ZNF804B: variants seen among roughly 807,000 people sequenced by gnomAD.
The protein encoded by ZNF804B is zinc finger protein 804B, also known as zinc finger 804B.
Under a neutral mutation model 101.4 loss-of-function variants are expected in ZNF804B, and 80 were observed. That is an observed-to-expected ratio of 0.79 (90% CI 0.66 to 0.95). The LOEUF is 0.95. Ranked by LOEUF, ZNF804B falls within the 40% of genes least tolerant of loss-of-function variation. The pLI, the probability that ZNF804B is intolerant of heterozygous loss-of-function variation, is 0.00. For synonymous variants in ZNF804B, 622 were observed against 558.8 expected (o/e 1.11, Z -1.59); for missense variants, 1,673 against 1,561.9 (o/e 1.07, Z -1.20).
intron 1 of ZNF804B, among the ~76,000 whole-genome samples, chr7:88,837,006 A>G (rs1240472605): frequency 6.6e-6 from 1 of 151,986 alleles, no homozygotes; most frequent in African/African-American, 2.4e-5. Context: ...GCCACAAGCC[A>G]GAAAGGACAT....
intron 2 of ZNF804B, among the ~76,000 whole-genome samples, chr7:89,306,907 G>A (rs1790569877): frequency 6.6e-6 from 1 of 151,940 alleles, no homozygotes; most frequent in African/African-American, 2.4e-5. Context: ...GTAATGATAG[G>A]TGAGAGATGC....
At chr7:88,811,837 G>A (rs966877561) in intron 1 of ZNF804B, among the ~76,000 whole-genome samples, 2 of 152,196 alleles carry the variant, frequency 1.3e-5, no homozygotes, top group Non-Finnish European at 1.5e-5. Flanking sequence ...GGGAGGGAGA[G>A]CATCAGAAGA....
intron 1 of ZNF804B, among the ~76,000 whole-genome samples, chr7:89,118,129 T>C (rs1021708082): frequency 6.6e-6 from 1 of 152,206 alleles, no homozygotes; most frequent in Non-Finnish European, 1.5e-5. Flanking sequence ...AACTGACTTT[T>C]TTTGAAGATC....
At chr7:88,877,529 T>G (rs999377556) in intron 1 of ZNF804B, among the ~76,000 whole-genome samples, 2 of 152,104 alleles carry the variant, frequency 1.3e-5, no homozygotes, top group Non-Finnish European at 1.5e-5. Flanking sequence ...GAACCAGTGG[T>G]TAAAATCTCT....
At chr7:89,183,964 T>G in intron 1 of ZNF804B, among the ~76,000 whole-genome samples, 1 of 152,166 alleles carries the variant, frequency 6.6e-6, no homozygotes, top group Admixed American at 6.6e-5. Context: ...CTGATGTCAC[T>G]GTGGAACCAA....
intron 2 of ZNF804B, among the ~76,000 whole-genome samples, chr7:89,267,563 T>C (rs1789819718): frequency 6.6e-6 from 1 of 152,186 alleles, no homozygotes; most frequent in African/African-American, 2.4e-5. Flanking sequence ...ATATGGGACC[T>C]GGAGTGACCA....
intron 1 of ZNF804B, among the ~76,000 whole-genome samples, chr7:89,149,520 T>C (rs1472852708): frequency 2.0e-5 from 3 of 152,080 alleles, no homozygotes; most frequent in Non-Finnish European, 4.4e-5. Flanking sequence ...TGATACATAG[T>C]GAATTAATAT....
intron 1 of ZNF804B, among the ~76,000 whole-genome samples, chr7:88,868,487 C>T (rs1345674380): frequency 2.0e-5 from 3 of 152,110 alleles, no homozygotes; most frequent in East Asian, 1.9e-4. Flanking sequence ...AAATCACAAG[C>T]GGGGTTGTAG....
chr7:89,285,021 A>G (rs995903857), intron 2 of ZNF804B, among the ~76,000 whole-genome samples: 1 of 151,926 alleles, frequency 6.6e-6, no homozygotes, highest in South Asian at 2.1e-4. Flanking sequence ...TAATGTAGTG[A>G]GACCCTGTCT....
intron 1 of ZNF804B, among the ~76,000 whole-genome samples, chr7:88,940,233 A>G (rs1035824510): frequency 2.0e-5 from 3 of 152,014 alleles, no homozygotes; most frequent in Non-Finnish European, 4.4e-5. Context: ...GTAATCCAAG[A>G]ATCAAATAAA....
At chr7:89,323,332 T>C (rs1051978155) in intron 2 of ZNF804B, among the ~76,000 whole-genome samples, 9 of 152,316 alleles carry the variant, frequency 5.9e-5, no homozygotes, top group African/African-American at 1.9e-4. Flanking sequence ...CTTTGAAAGA[T>C]AATACAGACC....
intron 1 of ZNF804B, among the ~76,000 whole-genome samples, chr7:89,127,367 T>TTCAAAAAA (rs199897844): frequency 0.011 from 1,672 of 151,962 alleles, 31 homozygotes; most frequent in Admixed American, 0.042. Flanking sequence ...CCCAAAACGG[T>TTCAAAAAA]ATTTTTTTGA....
At chr7:89,252,075 A>T (rs1053179271) in intron 2 of ZNF804B, among the ~76,000 whole-genome samples, 4 of 151,614 alleles carry the variant, frequency 2.6e-5, no homozygotes, top group African/African-American at 9.7e-5. Flanking sequence ...TTAACTCAAG[A>T]GCTTCTGCAC....
intron 2 of ZNF804B, among the ~76,000 whole-genome samples, chr7:89,301,786 C>A (rs1790478493): frequency 1.3e-5 from 2 of 151,672 alleles, no homozygotes; most frequent in South Asian, 4.2e-4. Flanking sequence ...GATGCGTGAC[C>A]CCAGCAAGTT....
At chr7:89,249,226 A>G (rs919044329) in intron 2 of ZNF804B, among the ~76,000 whole-genome samples, 1 of 152,174 alleles carries the variant, frequency 6.6e-6, no homozygotes, top group Non-Finnish European at 1.5e-5. Flanking sequence ...CGCTGACAGC[A>G]TTAGGCAAGG....
intron 1 of ZNF804B, among the ~76,000 whole-genome samples, chr7:88,931,931 G>T (rs1459088871): frequency 6.6e-6 from 1 of 151,488 alleles, no homozygotes; most frequent in East Asian, 1.9e-4. Context: ...TTTCCCAGAA[G>T]CAAAAGTGTA....
chr7:89,040,753 C>G (rs935708323), intron 1 of ZNF804B, among the ~76,000 whole-genome samples: 2 of 152,178 alleles, frequency 1.3e-5, no homozygotes, highest in Admixed American at 6.5e-5. Flanking sequence ...TCTTTGTAAA[C>G]TGGCTTCACC....
chr7:89,289,080 C>G (rs1208884), intron 2 of ZNF804B, among the ~76,000 whole-genome samples: 42,734 of 151,650 alleles, frequency 0.28, 6,125 homozygotes, highest in African/African-American at 0.33. Flanking sequence ...AATAATGAAA[C>G]AAGACACAAA....
intron 1 of ZNF804B, among the ~76,000 whole-genome samples, chr7:88,787,947 T>C (rs1382839720): frequency 6.6e-6 from 1 of 152,014 alleles, no homozygotes; most frequent in East Asian, 1.9e-4. Context: ...GGAAAACAGA[T>C]GAGGATTGGA....
Sources: gnomAD v4.1 joint callset for allele counts (sites outside exome capture counted in the v4.1 genomes callset) on GRCh38, gnomAD v4.1.1 for gene constraint, MANE v1.5 for transcripts, NCBI Gene and HGNC (gene_info 2026-07-23, HGNC 2026-07-21) for gene names.